The following CCDC181 variants were observed in gnomAD, a reference collection of about 807,000 sequenced individuals.
CCDC181 encodes the protein coiled-coil domain-containing protein 181.
CCDC181 carries 35 observed loss-of-function variants against 58.7 expected under a neutral mutation model. The ratio of observed to expected loss-of-function variants is 0.60; its 90% CI spans 0.46 to 0.79. The LOEUF (loss-of-function observed/expected upper bound fraction) is 0.79. CCDC181 is among the 30% of genes least tolerant of loss of function. The pLI, the probability that CCDC181 is intolerant of heterozygous loss-of-function variation, is 0.00. For missense variants in CCDC181, 517 were observed against 583.9 expected (o/e 0.89, Z 1.18); for synonymous variants, 183 against 197.5 (o/e 0.93, Z 0.62).
intron 4 of CCDC181, chr1:169,418,692 C>G: frequency 3.2e-6 from 1 of 315,940 alleles, no homozygotes; most frequent in Non-Finnish European, 5.7e-6. Context: ...TAAGTGAGAC[C>G]AGTCTCTAGG....
At chr1:169,396,787 A>G (rs768078164) in intron 5 of CCDC181, among the ~76,000 whole-genome samples, 2 of 152,178 alleles carry the variant, frequency 1.3e-5, no homozygotes, top group Non-Finnish European at 2.9e-5. Context: ...CCTTTGGTCT[A>G]TACAGATTTT....
At chr1:169,430,631 G>T (rs1453503627), upstream of CCDC181, among the ~76,000 whole-genome samples, 1 of 151,324 alleles carries the variant, frequency 6.6e-6, no homozygotes, top group East Asian at 1.9e-4. Context: ...TACCGGTGGA[G>T]GGTGTCCATG....
chr1:169,454,921 T>C (rs1657643862), intron 2 of CCDC181, among the ~76,000 whole-genome samples: 2 of 151,994 alleles, frequency 1.3e-5, no homozygotes, highest in African/African-American at 4.8e-5. Flanking sequence ...TTGAGCTTTA[T>C]TTTTGAAATG....
intron 4 of CCDC181, among the ~76,000 whole-genome samples, chr1:169,397,658 T>C (rs1655124169): frequency 6.6e-6 from 1 of 152,166 alleles, no homozygotes; most frequent in Admixed American, 6.5e-5. Context: ...TTTTCAGTCA[T>C]AAGAATTTTC....
At chr1:169,455,622 G>A (rs1425939621) in intron 2 of CCDC181, among the ~76,000 whole-genome samples, 2 of 152,112 alleles carry the variant, frequency 1.3e-5, no homozygotes, top group Non-Finnish European at 2.9e-5. Context: ...AGAGATATTA[G>A]TGGATAATTG....
At chr1:169,450,434 G>A (rs774718658) in intron 2 of CCDC181, among the ~76,000 whole-genome samples, 1 of 152,016 alleles carries the variant, frequency 6.6e-6, no homozygotes, top group African/African-American at 2.4e-5. Context: ...GGAGTCTTTT[G>A]CATTTGCCAT....
At position 169,421,587 on chromosome 1, in the gene CCDC181, A is replaced by C; in HGVS notation, c.844T>G (p.Ser282Ala). The C allele has an allele frequency of 6.2e-7, 1 of 1,614,080 alleles. No homozygotes were observed. The highest frequency in any genetic ancestry group is 8.5e-7 in the Non-Finnish European group (1 of 1,180,016). The change falls in exon 3 of 6, where the codon TCA (serine) becomes GCA (alanine). Residue 282 changes from serine to alanine, a missense_variant. Physicochemically the swap from Ser to Ala is moderately conservative, Grantham distance 99 (BLOSUM62 1). Coordinates refer to ENST00000367806, the MANE Select transcript of CCDC181 (RefSeq NM_001300969.2). The stretch of plus-strand genomic sequence containing the variant: ...TAAGCCAGCGGCTCTCCTGTTGATG[A>C]GTGAGTGACAGCATGAATCTTTGCT... ...STAKIHAVTH[S>A]STGEPLAYIA...
At chr1:169,412,446 T>C (rs1458121861) in intron 4 of CCDC181, among the ~76,000 whole-genome samples, 1 of 152,170 alleles carries the variant, frequency 6.6e-6, no homozygotes, top group Non-Finnish European at 1.5e-5. Context: ...ATGGCCATAC[T>C]GCCCAAAGTA....
chr1:169,459,232 C>T (rs1477018178), intron 2 of CCDC181, among the ~76,000 whole-genome samples: 3 of 152,110 alleles, frequency 2.0e-5, no homozygotes, highest in Non-Finnish European at 2.9e-5. Flanking sequence ...GATTTTAGGT[C>T]ACTTCCTAAG....
At chr1:169,435,302 G>C (rs746099501) in intron 2 of CCDC181, among the ~76,000 whole-genome samples, 1 of 152,060 alleles carries the variant, frequency 6.6e-6, no homozygotes, top group Non-Finnish European at 1.5e-5. Flanking sequence ...AAATGAACTA[G>C]TGTTTGCCTA....
intron 2 of CCDC181, among the ~76,000 whole-genome samples, chr1:169,458,503 A>C (rs2101764692): frequency 6.6e-6 from 1 of 152,298 alleles, no homozygotes; most frequent in Non-Finnish European, 1.5e-5. Flanking sequence ...TCCTGAGTGC[A>C]GGAGCTTCTG....
intron 2 of CCDC181, among the ~76,000 whole-genome samples, chr1:169,445,929 G>T (rs2101752192): frequency 6.6e-6 from 1 of 152,136 alleles, no homozygotes; most frequent in East Asian, 1.9e-4. Context: ...ACATTCATGG[G>T]ATCAATAGTC....
At chr1:169,455,705 C>T (rs1048671861) in intron 2 of CCDC181, among the ~76,000 whole-genome samples, 4 of 152,116 alleles carry the variant, frequency 2.6e-5, no homozygotes, top group Non-Finnish European at 4.4e-5. Context: ...ATACAGTTAA[C>T]ACCCAAGACT....
At chr1:169,403,916 A>C (rs1022849683) in intron 4 of CCDC181, among the ~76,000 whole-genome samples, 7 of 152,162 alleles carry the variant, frequency 4.6e-5, no homozygotes, top group Non-Finnish European at 1.0e-4. Flanking sequence ...GACTGCTACC[A>C]AGACTAATAA....
intron 3 of CCDC181, among the ~76,000 whole-genome samples, chr1:169,420,338 C>G (rs745509401): frequency 6.6e-6 from 1 of 151,404 alleles, no homozygotes; most frequent in Non-Finnish European, 1.5e-5. Flanking sequence ...AGCTTGCACC[C>G]TTTTAGGTTC....
intron 1 of CCDC181, among the ~76,000 whole-genome samples, chr1:169,425,368 T>C (rs1656670003): frequency 6.6e-6 from 1 of 152,148 alleles, no homozygotes; most frequent in Admixed American, 6.5e-5. Flanking sequence ...TATTCAAAAA[T>C]AACTGTTAAT....
intron 4 of CCDC181, among the ~76,000 whole-genome samples, chr1:169,401,802 CTT>C (rs1213555925): frequency 6.6e-6 from 1 of 152,152 alleles, no homozygotes; most frequent in Non-Finnish European, 1.5e-5. Flanking sequence ...TGGAGAATGA[CTT>C]TGATGAGTTG....
At chr1:169,432,381 G>A (rs1204855494), upstream of CCDC181, among the ~76,000 whole-genome samples, 1 of 152,150 alleles carries the variant, frequency 6.6e-6, no homozygotes, top group Admixed American at 6.6e-5. Context: ...AGTCTGCATT[G>A]TGGGAGTCCT....
Position 169,395,047 on chromosome 1 carries a change from T to C in CCDC181, c.1530A>G (p.Ter510TrpextTer46), listed in dbSNP as rs780196310. ...KPFRFTDHYN* is the reference protein window; with the variant it reads ...KPFRFTDHYNW The stretch of plus-strand genomic sequence containing the variant: ...CCACTGAAATATTTAATAGAAACTT[T>C]CAGTTATAATGATCAGTAAAACGAA... Residue 510 changes from the stop codon to tryptophan, a stop_lost, in exon 6 of 6, where the codon TGA (stop) becomes TGG (tryptophan). Transcript: ENST00000367806. 7 of 1,578,282 alleles carry C rather than the reference T, an allele frequency of 4.4e-6. No homozygotes were observed. In the South Asian group the frequency reaches 7.1e-5, roughly 16 times the overall value.
Sources: gnomAD v4.1 joint callset for allele counts (sites outside exome capture counted in the v4.1 genomes callset) on GRCh38, gnomAD v4.1.1 for gene constraint, MANE v1.5 for transcripts, NCBI Gene and HGNC (gene_info 2026-07-23, HGNC 2026-07-21) for gene names.